The following DLGAP2 variants were observed in gnomAD, a reference collection of about 807,000 sequenced individuals.
The protein encoded by DLGAP2 is disks large-associated protein 2.
In DLGAP2, 26 loss-of-function variants were observed where a neutral mutation model predicts 100.3. The ratio of observed to expected loss-of-function variants is 0.26; its 90% CI spans 0.19 to 0.36. The LOEUF (loss-of-function observed/expected upper bound fraction) is 0.36, where lower values mean the gene tolerates loss of function less well. DLGAP2 is among the 10% of genes least tolerant of loss of function. DLGAP2 has a pLI of 1.00. For missense variants in DLGAP2, 1,858 were observed against 1,453.2 expected (o/e 1.28, Z -4.53); for synonymous variants, 886 against 630.1 (o/e 1.41, Z -6.08).
chr8:1,572,050 A>G (rs867431602), intron 6 of DLGAP2, among the ~76,000 whole-genome samples: 358 of 22,000 alleles, frequency 0.016, no homozygotes, highest in Admixed American at 0.025. Context: ...AACTGTGGGG[A>G]TGTCTGATGA....
Position 1,678,287 on chromosome 8 carries a change from G to T in DLGAP2, c.2362G>T (p.Gly788Cys). The T allele has an allele frequency of 6.2e-7, 1 of 1,613,672 alleles. No homozygotes were observed. The highest frequency in any genetic ancestry group is 8.5e-7 in the Non-Finnish European group (1 of 1,179,738). ...TGACCTGGAGCTGGAGGGGTTCCCA[G>T]GCCACATCACCACGGAGGACAAAGG... The part of the protein sequence containing the change: ...QADLELEGFP[G>C]HITTEDKGLQ... Residue 788 changes from glycine (G) to cysteine (C), a missense_variant, in exon 12 of 15, where the codon GGC becomes TGC. Physicochemically the swap from Gly to Cys is radical, Grantham distance 159. Coordinates refer to ENST00000637795, the MANE Select transcript of DLGAP2 (RefSeq NM_001346810.2).
chr8:1,392,890 T>A (rs573736992), intron 3 of DLGAP2, among the ~76,000 whole-genome samples: 11 of 114,908 alleles, frequency 9.6e-5, no homozygotes, highest in Non-Finnish European at 2.1e-4. Flanking sequence ...GACGTTTCTG[T>A]TTTTTTTTTG....
At chr8:955,265 A>G (rs1231774483) in intron 2 of DLGAP2, among the ~76,000 whole-genome samples, 1 of 152,028 alleles carries the variant, frequency 6.6e-6, no homozygotes, top group Non-Finnish European at 1.5e-5. Context: ...TTCACCTCAC[A>G]TATGTTTATG....
At chr8:959,405 C>T (rs928449962) in intron 2 of DLGAP2, among the ~76,000 whole-genome samples, 8 of 152,302 alleles carry the variant, frequency 5.3e-5, no homozygotes, top group South Asian at 4.1e-4. Context: ...CTGTGAGAAA[C>T]GCCACTGCAG....
intron 2 of DLGAP2, among the ~76,000 whole-genome samples, chr8:1,176,922 T>C (rs1301082846): frequency 6.6e-6 from 1 of 152,158 alleles, no homozygotes; most frequent in Non-Finnish European, 1.5e-5. Context: ...TTTCATGCCA[T>C]GGCAGCAAAG....
intron 3 of DLGAP2, among the ~76,000 whole-genome samples, chr8:1,458,477 A>G (rs1239448415): frequency 6.6e-6 from 1 of 152,190 alleles, no homozygotes; most frequent in African/African-American, 2.4e-5. Flanking sequence ...CACAAATGCC[A>G]TCTTCCTATG....
chr8:1,157,384 T>C (rs1474155659), intron 2 of DLGAP2, among the ~76,000 whole-genome samples: 1 of 152,194 alleles, frequency 6.6e-6, no homozygotes, highest in Non-Finnish European at 1.5e-5. Flanking sequence ...GAGAACTTGT[T>C]GTTTTTAAGA....
chr8:978,258 C>T (rs1339883469), intron 2 of DLGAP2, among the ~76,000 whole-genome samples: 8 of 58,586 alleles, frequency 1.4e-4, no homozygotes, highest in African/African-American at 4.8e-4. Context: ...GTGGGGAGGG[C>T]GTCGGGGATG....
intron 2 of DLGAP2, among the ~76,000 whole-genome samples, chr8:1,180,631 C>T (rs61310196): frequency 0.58 from 87,104 of 151,232 alleles, 25,289 homozygotes; most frequent in Admixed American, 0.66. Context: ...CACCATCAAG[C>T]GTGTCAGTGT....
chr8:1,365,308 G>A (rs569447517), intron 3 of DLGAP2, among the ~76,000 whole-genome samples: 49 of 152,246 alleles, frequency 3.2e-4, no homozygotes, highest in African/African-American at 1.1e-3. Flanking sequence ...TGGGATCTCC[G>A]CACCGAGGCT....
chr8:1,701,079 G>T (rs900913049), intron 14 of DLGAP2, 109 bp from the exon 15 acceptor site: 1 of 1,002,918 alleles, frequency 1.0e-6, no homozygotes, highest in Non-Finnish European at 1.4e-6. Flanking sequence ...ATGCGGCCCT[G>T]GGGGCTGCGG....
intron 3 of DLGAP2, among the ~76,000 whole-genome samples, chr8:1,455,159 C>T (rs1468293372): frequency 5.3e-5 from 8 of 152,162 alleles, no homozygotes; most frequent in Admixed American, 3.3e-4. Flanking sequence ...TCTGAGAGCC[C>T]GTCTAAAGCC....
chr8:1,700,430 G>A (rs902948538), intron 14 of DLGAP2, among the ~76,000 whole-genome samples: 2 of 151,488 alleles, frequency 1.3e-5, no homozygotes, highest in Non-Finnish European at 2.9e-5. Context: ...CACGGGGCAG[G>A]TCCCACTGTC....
intron 2 of DLGAP2, among the ~76,000 whole-genome samples, chr8:1,033,729 CGCG>C (rs1563155650): frequency 2.0e-5 from 3 of 150,200 alleles, no homozygotes; most frequent in Non-Finnish European, 1.5e-5. Context: ...CGCGTGTCAC[CGCG>C]AGTGGGTTCA....
At chr8:1,649,784 G>A (rs983125048) in intron 8 of DLGAP2, among the ~76,000 whole-genome samples, 8 of 152,126 alleles carry the variant, frequency 5.3e-5, no homozygotes, top group Non-Finnish European at 7.3e-5. Context: ...GTAAGTCATG[G>A]GAAAGCTTTG....
intron 2 of DLGAP2, among the ~76,000 whole-genome samples, chr8:1,200,613 A>G (rs1464083134): frequency 6.6e-6 from 1 of 152,118 alleles, no homozygotes; most frequent in African/African-American, 2.4e-5. Context: ...AGCGTCACCA[A>G]AGCGTCACTT....
chr8:1,347,997 C>T (rs1456618597), intron 3 of DLGAP2, among the ~76,000 whole-genome samples: 1 of 145,430 alleles, frequency 6.9e-6, no homozygotes, highest in African/African-American at 2.5e-5. Context: ...GTTGAGTTCC[C>T]ATACAGAGCT....
In DLGAP2 at chr8:785,340, G is replaced by A. The variant is rs144605791; in HGVS notation, c.18+47515G>A. On this transcript the variant is annotated intron_variant, in intron 1 of 14. Transcript: ENST00000637795. ...TTCCCATGTGGCTCAGGCTGAAAGC[G>A]GAGCTCTCATGAGGCAGGCCGGGCC... 3.7e-3 allele frequency among the ~76,000 whole-genome samples: 562 copies of A among 151,360 alleles called. 4 individuals are homozygous for A. Among genetic ancestry groups the A allele is most frequent in the African/African-American group, 0.013 (522 of 41,322 alleles).
chr8:1,565,665 A>G lies in DLGAP2; in HGVS notation c.1231-18A>G, dbSNP rs377204953. On this transcript the variant is annotated intron_variant, in intron 5 of 14. Transcript: ENST00000637795. ...CAGTGACAAAGTTGATGCGTGTTTC[A>G]TGTCTGTCTGCTCCCAGGTACCTCA... 1.2e-6 allele frequency: 2 copies of G among 1,600,406 alleles called. No individual in the cohort carries two copies. The highest frequency in any genetic ancestry group is 2.7e-5 in the African/African-American group (2 of 74,628).
Sources: allele counts gnomAD v4.1 joint callset (sites outside exome capture counted in the v4.1 genomes callset), GRCh38; gene constraint gnomAD v4.1.1; transcripts MANE v1.5; gene names NCBI Gene and HGNC (gene_info 2026-07-23, HGNC 2026-07-21).